The following MEGF6 variants were observed in gnomAD, a reference collection of about 807,000 sequenced individuals.
The protein encoded by MEGF6 is multiple EGF like domains 6.
Under a neutral mutation model 207.1 loss-of-function variants are expected in MEGF6, and 184 were observed. The observed-to-expected ratio is 0.89, with a 90% CI of 0.79 to 1.00. The LOEUF is 1.00. Among genes scored for constraint, MEGF6 ranks in the 50% least tolerant of loss-of-function variants. The pLI is 0.00. For synonymous variants in MEGF6, 1,038 were observed against 910.0 expected (o/e 1.14, Z -2.53); for missense variants, 2,282 against 2,202.9 (o/e 1.04, Z -0.72).
intron 4 of MEGF6, among the ~76,000 whole-genome samples, chr1:3,564,310 G>T (rs1257646229): frequency 1.3e-5 from 2 of 151,840 alleles, no homozygotes; most frequent in African/African-American, 4.8e-5. Flanking sequence ...GAGGTGAACA[G>T]ATGTTAACCT....
intron 4 of MEGF6, among the ~76,000 whole-genome samples, chr1:3,534,644 A>T (rs1011594128): frequency 9.2e-5 from 14 of 151,988 alleles, no homozygotes; most frequent in Admixed American, 8.5e-4. Context: ...TCCAGCAGAC[A>T]CCCCAAGGCC....
chr1:3,620,247 A>G, the MEGF6 span, among the ~76,000 whole-genome samples: 1 of 152,260 alleles, frequency 6.6e-6, no homozygotes, highest in South Asian at 2.1e-4. Context: ...AAAGCAGGAC[A>G]TAAAAGTTTG....
rs551108051 is a variant in MEGF6 at position 3,538,748 on chromosome 1, G to A, written c.482-14502C>T. Among the ~76,000 whole-genome samples the A allele has an allele frequency of 1.5e-3, 216 of 148,958 alleles. 1 individual carries two copies. Among genetic ancestry groups the A allele is most frequent in the Middle Eastern group, 3.5e-3 (1 of 284 alleles). Reference sequence around the variant, plus strand: ...TGTGTGTGTGTGTGTGTGTGTGTCCGCGCTGTCTGTGGGTTCTCTGTTACC... The same window carrying A: ...TGTGTGTGTGTGTGTGTGTGTGTCCACGCTGTCTGTGGGTTCTCTGTTACC... On this transcript the variant is annotated intron_variant, in intron 4 of 36. Transcript: ENST00000356575.
the MEGF6 span, among the ~76,000 whole-genome samples, chr1:3,621,791 C>T: frequency 6.6e-6 from 1 of 152,182 alleles, no homozygotes; most frequent in Non-Finnish European, 1.5e-5. Context: ...CCACCCCTTG[C>T]ATCAGTGTGG....
At chr1:3,492,841 A>C in intron 34 of MEGF6, 74 bp from the exon 35 acceptor site, 1 of 1,554,616 alleles carries the variant, frequency 6.4e-7, no homozygotes, top group Non-Finnish European at 8.8e-7. Flanking sequence ...GCCTGGGCCT[A>C]GGGGCCCGCG....
chr1:3,498,967 C>G, intron 24 of MEGF6, 141 bp from the exon 25 acceptor site: 1 of 1,411,670 alleles, frequency 7.1e-7, no homozygotes, highest in East Asian at 2.5e-5. Flanking sequence ...GCCAGCCCAG[C>G]CTCACTCCCC....
rs569371986 is a variant in MEGF6 at position 3,549,189 on chromosome 1, G to A, written c.482-24943C>T. On this transcript the variant is annotated intron_variant, in intron 4 of 36. Transcript: ENST00000356575. ...CCTAGTCTCGGGGCCCCCGTGCTCAGCCCAGAACAAGCCCACAAGGGCCGC... is the reference window on the plus strand; with the variant it reads ...CCTAGTCTCGGGGCCCCCGTGCTCAACCCAGAACAAGCCCACAAGGGCCGC... 2.0e-3 allele frequency among the ~76,000 whole-genome samples: 299 copies of A among 152,292 alleles called. 1 individual carries two copies. Among genetic ancestry groups the A allele is most frequent in the Non-Finnish European group, 2.9e-3 (199 of 68,016 alleles).
At chr1:3,522,919 G>A (rs1302300854) in intron 5 of MEGF6, among the ~76,000 whole-genome samples, 1 of 152,214 alleles carries the variant, frequency 6.6e-6, no homozygotes, top group Non-Finnish European at 1.5e-5. Flanking sequence ...GCTCCCAGAA[G>A]CCCCGCAGGG....
At chr1:3,522,350 C>T (rs920377987) in intron 5 of MEGF6, among the ~76,000 whole-genome samples, 1 of 152,184 alleles carries the variant, frequency 6.6e-6, no homozygotes, top group Non-Finnish European at 1.5e-5. Flanking sequence ...CCACCACTCA[C>T]ACAGGCGACA....
At chr1:3,549,466 G>A (rs1047258865) in intron 4 of MEGF6, among the ~76,000 whole-genome samples, 5 of 152,316 alleles carry the variant, frequency 3.3e-5, no homozygotes, top group East Asian at 3.9e-4. Context: ...ACCCAGGACC[G>A]GGGTGTTCAG....
chr1:3,593,464 A>AC (rs1557804101), intron 3 of MEGF6, among the ~76,000 whole-genome samples: 1 of 74,596 alleles, frequency 1.3e-5, no homozygotes, highest in Non-Finnish European at 2.6e-5. Context: ...GCCCAGGGGC[A>AC]CCCCCACCCC....
intron 5 of MEGF6, among the ~76,000 whole-genome samples, chr1:3,523,078 G>GGC (rs921359430): frequency 2.4e-4 from 37 of 151,938 alleles, no homozygotes; most frequent in South Asian, 1.7e-3. Flanking sequence ...GTGTGCCGGG[G>GGC]GGGGGGCCCC....
chr1:3,505,161 A>G lies in MEGF6; in HGVS notation c.2188+47T>C, dbSNP rs770424313. On this transcript the variant is annotated intron_variant, in intron 17 of 36. Coordinates refer to ENST00000356575, the MANE Select transcript of MEGF6 (RefSeq NM_001409.4). ...TACCCTCCAGCCAGGCAGGCAGCCT[A>G]CACCCCACAATGAGACTGCCGGGAG... 9 of 1,599,922 alleles carry G rather than the reference A, an allele frequency of 5.6e-6. No homozygotes were observed. In the South Asian group the frequency reaches 6.7e-5, roughly 12 times the overall value.
chr1:3,566,617 G>A (rs1243745091), intron 4 of MEGF6, among the ~76,000 whole-genome samples: 2 of 152,194 alleles, frequency 1.3e-5, no homozygotes, highest in Non-Finnish European at 2.9e-5. Context: ...CGGCCCATCA[G>A]AGGGACCCCG....
At position 3,611,256 on chromosome 1, in the gene MEGF6, C is replaced by G; in HGVS notation, c.13G>C (p.Glu5Gln). The change falls in exon 1 of 37, where the codon GAA (glutamate) becomes CAA (glutamine). Residue 5 changes from glutamate to glutamine, a missense_variant. By Grantham distance (29) the Glu-to-Gln change is conservative (BLOSUM62 2). Transcript: ENST00000356575. ...GCGCGCCCCGCTGCCCTCGCCTCTT[C>G]AAGGAACGACATCGTGCGCGCCGGT... MSFL[E>Q]EARAAGRAVV... 1 of 1,507,702 alleles carries G rather than the reference C, an allele frequency of 6.6e-7. No individual in the cohort carries two copies. The highest frequency in any genetic ancestry group is 8.8e-7 in the Non-Finnish European group (1 of 1,138,504). 93.4% of individuals were successfully genotyped at this position (1,507,702 alleles called of 1,614,324 possible). A position where few individuals can be genotyped will look rare whatever the true frequency, so the allele number is the denominator to read the frequency against.
intron 26 of MEGF6, among the ~76,000 whole-genome samples, chr1:3,497,945 G>A (rs1430743077): frequency 2.6e-5 from 4 of 152,168 alleles, no homozygotes; most frequent in African/African-American, 4.8e-5. Context: ...GGGCTCTGGA[G>A]GGGCTGAGGC....
At chr1:3,529,555 G>A (rs1052925756) in intron 4 of MEGF6, among the ~76,000 whole-genome samples, 1 of 152,206 alleles carries the variant, frequency 6.6e-6, no homozygotes, top group African/African-American at 2.4e-5. Context: ...GGCTAGATAC[G>A]AGACTATGGA....
chr1:3,498,566 T>A, intron 25 of MEGF6, 67 bp from the exon 26 acceptor site: 1 of 1,498,788 alleles, frequency 6.7e-7, no homozygotes, highest in Admixed American at 2.1e-5. Flanking sequence ...CCCTGACCCA[T>A]GCTTCCTGCA....
intron 3 of MEGF6, among the ~76,000 whole-genome samples, chr1:3,580,470 G>A (rs1643768613): frequency 6.6e-6 from 1 of 152,202 alleles, no homozygotes; most frequent in Non-Finnish European, 1.5e-5. Context: ...GTTGACAGCG[G>A]CTGCCCTGGG....
Sources: gnomAD v4.1 joint callset for allele counts (sites outside exome capture counted in the v4.1 genomes callset) on GRCh38, gnomAD v4.1.1 for gene constraint, MANE v1.5 for transcripts, NCBI Gene and HGNC (gene_info 2026-07-23, HGNC 2026-07-21) for gene names.